Variants in GABRA1 observed in about 807,000 individuals in gnomAD.
GABRA1 encodes gamma-aminobutyric acid receptor subunit alpha-1.
Under a neutral mutation model 48.9 loss-of-function variants are expected in GABRA1, and 9 were observed. That is an observed-to-expected ratio of 0.18 (90% CI 0.11 to 0.32). GABRA1 has a LOEUF of 0.32. Ranked by LOEUF, GABRA1 falls within the 10% of genes least tolerant of loss-of-function variation. The pLI, the probability that GABRA1 is intolerant of heterozygous loss-of-function variation, is 1.00. For missense variants in GABRA1, 285 were observed against 553.8 expected (o/e 0.51, Z 4.87); for synonymous variants, 210 against 198.7 (o/e 1.06, Z -0.48).
At chr5:161,882,463 T>A (rs1754657990) in intron 6 of GABRA1, 95 bp from the exon 7 acceptor site, 2 of 1,189,770 alleles carry the variant, frequency 1.7e-6, no homozygotes, top group East Asian at 4.8e-5. Context: ...TCTGGAACCA[T>A]GATATAGAAA....
chr5:161,857,813 G>T (rs1297221622), intron 3 of GABRA1, among the ~76,000 whole-genome samples: 1 of 151,474 alleles, frequency 6.6e-6, no homozygotes, highest in Non-Finnish European at 1.5e-5. Context: ...ATTCATTCTT[G>T]TCCATAATCA....
Position 161,898,285 on chromosome 5 carries a change from A to T in GABRA1, c.*863A>T, listed in dbSNP as rs990347964. ...GCCCAACACTCACTTAATTCTCATT[A>T]TGAAGATGTTTTTAGAGGGGCAAAA... On this transcript the variant is annotated 3_prime_UTR_variant, in exon 10 of 10. Transcript: ENST00000393943. 1 of 152,610 alleles carries T rather than the reference A, an allele frequency of 6.6e-6. No homozygotes were observed. Among genetic ancestry groups the T allele is most frequent in the African/African-American group, 2.4e-5 (1 of 41,458 alleles). 9.5% of individuals were successfully genotyped at this position (152,610 alleles called of 1,614,324 possible).
At chr5:161,856,626 G>A (rs185717133) in intron 3 of GABRA1, among the ~76,000 whole-genome samples, 1 of 135,216 alleles carries the variant, frequency 7.4e-6, no homozygotes, top group East Asian at 2.3e-4. Flanking sequence ...ACTTAAATGT[G>A]ATGGATTTGA....
Position 161,850,771 on chromosome 5 carries a change from G to T in GABRA1, c.-15-25G>T, listed in dbSNP as rs200321984. On this transcript the variant is annotated intron_variant, in intron 1 of 9. Transcript: ENST00000393943. ...CCTGATGTTTCTTGCTAGAGACATT[G>T]ATCTCTACTTATTCTACTTTTCAGC... 547 of 1,572,394 alleles carry T rather than the reference G, an allele frequency of 3.5e-4. No homozygotes were observed. The highest frequency in any genetic ancestry group is 4.3e-4 in the Non-Finnish European group (494 of 1,141,838).
Position 161,897,107 on chromosome 5 carries a change from A to G in GABRA1, c.1060-4A>G. On this transcript the variant is annotated splice_polypyrimidine_tract_variant and splice_region_variant and intron_variant, in intron 9 of 9. Transcript: ENST00000393943. ...ACAAAATGCATTGCTCTTTCTTTCT[A>G]CAGCCAAAGAAAGTAAAGGATCCTC... 7 of 1,613,584 alleles carry G rather than the reference A, an allele frequency of 4.3e-6. No individual in the cohort carries two copies. Among genetic ancestry groups the G allele is most frequent in the Non-Finnish European group, 5.9e-6 (7 of 1,179,530 alleles).
intron 2 of GABRA1, 54 bp downstream of exon 2, chr5:161,850,938 T>A (rs760208946): frequency 1.2e-5 from 17 of 1,455,428 alleles, no homozygotes; most frequent in Non-Finnish European, 1.4e-5. Flanking sequence ...TTTTCATTTA[T>A]TTTATCGGGG....
intron 7 of GABRA1, 82 bp downstream of exon 7, chr5:161,882,783 A>AACTTCTGCT: frequency 7.4e-7 from 1 of 1,345,556 alleles, no homozygotes; most frequent in South Asian, 1.2e-5. Context: ...ATTCAGTAAC[A>AACTTCTGCT]CAAGTCTAGG....
At chr5:161,848,528 C>CGGGGGGGGGGGGGGG (rs1450654848) in intron 1 of GABRA1, 106 bp downstream of exon 1, 2 of 5,510 alleles carry the variant, frequency 3.6e-4, no homozygotes, top group African/African-American at 2.7e-3. Context: ...CGGGGGGAGA[C>CGGGGGGGGGGGGGGG]GGGGGGAGAG....
intron 8 of GABRA1, among the ~76,000 whole-genome samples, chr5:161,895,141 A>G (rs979892994): frequency 6.6e-6 from 1 of 152,128 alleles, no homozygotes; most frequent in Non-Finnish European, 1.5e-5. Flanking sequence ...TGAATCAGGA[A>G]AGATAGTGTA....
intron 6 of GABRA1, among the ~76,000 whole-genome samples, chr5:161,879,196 C>A (rs1461944837): frequency 1.3e-5 from 2 of 152,146 alleles, no homozygotes; most frequent in Admixed American, 6.5e-5. Flanking sequence ...GCTGGCTCAA[C>A]CTTTTGGGCT....
At chr5:161,872,080 G>A (rs1163214437) in intron 4 of GABRA1, 1 of 152,592 alleles carries the variant, frequency 6.6e-6, no homozygotes, top group African/African-American at 2.4e-5. Flanking sequence ...ACTGCCTTGT[G>A]ATGTAAAAGG....
chr5:161,860,613 C>T (rs891521611), intron 3 of GABRA1, among the ~76,000 whole-genome samples: 2 of 150,980 alleles, frequency 1.3e-5, no homozygotes, highest in African/African-American at 2.4e-5. Context: ...TGTAACTGGA[C>T]ATTTTAAAAT....
intron 8 of GABRA1, among the ~76,000 whole-genome samples, chr5:161,893,755 T>C (rs1311313211): frequency 6.6e-6 from 1 of 152,232 alleles, no homozygotes; most frequent in Non-Finnish European, 1.5e-5. Flanking sequence ...CTTATGGAGC[T>C]TCAGTTGTCT....
intron 7 of GABRA1, among the ~76,000 whole-genome samples, chr5:161,884,096 G>T (rs1754733754): frequency 6.6e-6 from 1 of 151,970 alleles, no homozygotes; most frequent in Non-Finnish European, 1.5e-5. Flanking sequence ...TATTAAAGAT[G>T]AAATAATATA....
At chr5:161,882,362 G>A in intron 6 of GABRA1, 196 bp from the exon 7 acceptor site, 1 of 576,998 alleles carries the variant, frequency 1.7e-6, no homozygotes, top group Non-Finnish European at 3.0e-6. Flanking sequence ...TTTGTTGGAA[G>A]AGTGAATAAA....
At chr5:161,860,057 G>A (rs566209588) in intron 3 of GABRA1, among the ~76,000 whole-genome samples, 3 of 151,866 alleles carry the variant, frequency 2.0e-5, no homozygotes, top group South Asian at 4.1e-4. Flanking sequence ...ACTGTACCTA[G>A]ACATTTCATA....
chr5:161,867,978 T>C (rs1441948294), intron 4 of GABRA1, among the ~76,000 whole-genome samples: 1 of 152,080 alleles, frequency 6.6e-6, no homozygotes, highest in Non-Finnish European at 1.5e-5. Context: ...ACAGTATTAG[T>C]TCATTGTTAT....
At chr5:161,865,886 A>C (rs1276138194) in intron 4 of GABRA1, 98 bp downstream of exon 4, 1 of 924,156 alleles carries the variant, frequency 1.1e-6, no homozygotes, top group African/African-American at 1.6e-5. Flanking sequence ...CAACCTGAAA[A>C]GTCTTGGCTA....
intron 6 of GABRA1, 158 bp from the exon 7 acceptor site, chr5:161,882,400 T>G (rs973344642): frequency 1.2e-5 from 8 of 666,674 alleles, no homozygotes; most frequent in African/African-American, 7.4e-5. Context: ...TCAGAAAACG[T>G]GTTTTAGTTT....
Sources: allele counts gnomAD v4.1 joint callset (sites outside exome capture counted in the v4.1 genomes callset), GRCh38; gene constraint gnomAD v4.1.1; transcripts MANE v1.5; gene names NCBI Gene and HGNC (gene_info 2026-07-23, HGNC 2026-07-21).